ADD3: variants seen among roughly 807,000 people sequenced by gnomAD.
ADD3 encodes the protein gamma-adducin.
In ADD3, 25 loss-of-function variants were observed where a neutral mutation model predicts 80.2. That is an observed-to-expected ratio of 0.31 (90% CI 0.23 to 0.44). The LOEUF (loss-of-function observed/expected upper bound fraction) is 0.44, where lower values mean the gene tolerates loss of function less well. ADD3 is among the 20% of genes least tolerant of loss of function. The pLI is 1.00. For missense variants in ADD3, 829 were observed against 847.5 expected (o/e 0.98, Z 0.27); for synonymous variants, 284 against 289.6 (o/e 0.98, Z 0.20).
At chr10:110,009,941 T>C (rs1034332760) in intron 1 of ADD3, among the ~76,000 whole-genome samples, 4 of 152,252 alleles carry the variant, frequency 2.6e-5, no homozygotes, top group African/African-American at 9.6e-5. Flanking sequence ...GTTGATCATA[T>C]GACACTTGGG....
intron 3 of ADD3, among the ~76,000 whole-genome samples, chr10:110,115,344 G>C (rs796143564): frequency 2.6e-5 from 4 of 152,154 alleles, no homozygotes; most frequent in African/African-American, 7.2e-5. Context: ...AGCCGAGATC[G>C]TACCATTGCA....
chr10:110,117,148 A>G (rs1482597048), intron 4 of ADD3, among the ~76,000 whole-genome samples, 194 bp from the exon 5 acceptor site: 5 of 152,182 alleles, frequency 3.3e-5, no homozygotes, highest in African/African-American at 4.8e-5. Context: ...ATAAGAAACT[A>G]AAGTCAGAAT....
chr10:110,112,713 C>A (rs754085841), intron 2 of ADD3, 64 bp from the exon 3 acceptor site: 4 of 1,542,836 alleles, frequency 2.6e-6, no homozygotes, highest in Non-Finnish European at 3.5e-6. Flanking sequence ...TTGATTGTAT[C>A]GGAACAAGTT....
At chr10:110,063,590 T>G (rs1843462392) in intron 1 of ADD3, among the ~76,000 whole-genome samples, 1 of 151,400 alleles carries the variant, frequency 6.6e-6, no homozygotes, top group Non-Finnish European at 1.5e-5. Context: ...AAGTTATAAA[T>G]TCTTGCTATA....
intron 2 of ADD3, among the ~76,000 whole-genome samples, chr10:110,107,785 G>A (rs1021445481): frequency 6.6e-5 from 10 of 152,148 alleles, no homozygotes; most frequent in African/African-American, 1.2e-4. Flanking sequence ...CACGCAGCAC[G>A]TAGTCGGCAA....
chr10:110,011,926 C>T lies in ADD3; in HGVS notation c.-30+3627C>T, dbSNP rs113586744. 7.8e-4 allele frequency among the ~76,000 whole-genome samples: 119 copies of T among 152,336 alleles called. 1 individual carries two copies. Among genetic ancestry groups the T allele is most frequent in the African/African-American group, 2.7e-3 (111 of 41,578 alleles). ...ATGCCAAGACAGTCTCAAATTTTTACTGTAATTTTTTACTGTAATGGGTTG... is the reference window on the plus strand; with the variant it reads ...ATGCCAAGACAGTCTCAAATTTTTATTGTAATTTTTTACTGTAATGGGTTG... On this transcript the variant is annotated intron_variant, in intron 1 of 14. Coordinates refer to ENST00000356080, the MANE Select transcript of ADD3 (RefSeq NM_016824.5).
chr10:110,091,268 A>T lies in ADD3; in HGVS notation c.-29-9357A>T, dbSNP rs191314644. Among the ~76,000 whole-genome samples, 169 of 152,282 alleles carry T rather than the reference A, an allele frequency of 1.1e-3. 3 individuals are homozygous for T. The highest frequency in any genetic ancestry group is 2.8e-4 in the Non-Finnish European group (19 of 68,030). On this transcript the variant is annotated intron_variant, in intron 1 of 14. Transcript: ENST00000356080. ...AAATGATAGTCCTTTGAGCCATCTCATATTTTTTGGCTAACTCCACCATGC... is the reference window on the plus strand; with the variant it reads ...AAATGATAGTCCTTTGAGCCATCTCTTATTTTTTGGCTAACTCCACCATGC...
intron 12 of ADD3, among the ~76,000 whole-genome samples, chr10:110,129,897 A>G (rs1038041508): frequency 1.3e-5 from 2 of 152,204 alleles, no homozygotes; most frequent in Admixed American, 6.5e-5. Context: ...TGGGTTCCAT[A>G]TGCCAACTGC....
chr10:110,074,256 C>T (rs1019287912), intron 1 of ADD3, among the ~76,000 whole-genome samples: 7 of 152,178 alleles, frequency 4.6e-5, no homozygotes, highest in Admixed American at 2.0e-4. Context: ...TTTGTGACTT[C>T]GGGATTCATA....
At chr10:110,026,093 T>C (rs1231413363) in intron 1 of ADD3, among the ~76,000 whole-genome samples, 1 of 152,164 alleles carries the variant, frequency 6.6e-6, no homozygotes, top group Non-Finnish European at 1.5e-5. Context: ...ACATGGTAAA[T>C]GTTTCTGACA....
intron 13 of ADD3, 42 bp downstream of exon 13, chr10:110,130,528 A>T (rs1279711513): frequency 1.9e-6 from 3 of 1,603,122 alleles, no homozygotes; most frequent in African/African-American, 1.3e-5. Flanking sequence ...AGCCACACTG[A>T]TAACAATAAA....
chr10:110,093,533 C>T (rs1399722885), intron 1 of ADD3, among the ~76,000 whole-genome samples: 1 of 152,166 alleles, frequency 6.6e-6, no homozygotes, highest in Non-Finnish European at 1.5e-5. Flanking sequence ...TCATAGTGGT[C>T]ATCTGTCAGG....
intron 1 of ADD3, among the ~76,000 whole-genome samples, chr10:110,064,568 T>C (rs567232835): frequency 6.6e-6 from 1 of 152,314 alleles, no homozygotes; most frequent in South Asian, 2.1e-4. Flanking sequence ...CTTTTACTAA[T>C]AGAAAAATTG....
intron 2 of ADD3, among the ~76,000 whole-genome samples, chr10:110,109,247 C>T (rs1403189571): frequency 1.3e-5 from 2 of 151,854 alleles, no homozygotes; most frequent in Non-Finnish European, 2.9e-5. Context: ...ATCTAAAAAC[C>T]ATTGTAAATC....
chr10:110,063,778 T>TAA lies in ADD3; in HGVS notation c.-29-36846_-29-36845insAA, dbSNP rs1355998631. Among the ~76,000 whole-genome samples the TAA allele has an allele frequency of 1.6e-4, 17 of 104,096 alleles. 1 individual carries two copies. Among genetic ancestry groups the TAA allele is most frequent in the African/African-American group, 5.9e-4 (16 of 27,064 alleles). The allele number at this position is 104,096 out of a possible 152,430, so 68.3% of individuals were successfully genotyped here. A position where few individuals can be genotyped will look rare whatever the true frequency, so the allele number is the denominator to read the frequency against. On this transcript the variant is annotated intron_variant, in intron 1 of 14. Coordinates refer to ENST00000356080, the MANE Select transcript of ADD3 (RefSeq NM_016824.5). ...ATATATATATATATATATATATATA[T>TAA]ATATAAAGTGAACACCGTGTGTAAC...
At chr10:110,108,921 A>G (rs1007104659) in intron 2 of ADD3, among the ~76,000 whole-genome samples, 5 of 152,202 alleles carry the variant, frequency 3.3e-5, no homozygotes, top group Admixed American at 2.0e-4. Flanking sequence ...CGTCAGCTTT[A>G]AAGGAGACAT....
Position 110,124,107 on chromosome 10 carries a change from G to T in ADD3, c.1234G>T (p.Ala412Ser). The change falls in exon 10 of 15, where the codon GCT (alanine) becomes TCT (serine). Residue 412 changes from alanine to serine, a missense_variant. Ala to Ser is a moderately conservative substitution (Grantham distance 99). Coordinates refer to ENST00000356080, the MANE Select transcript of ADD3 (RefSeq NM_016824.5). ...TGTGGAAATCCCAGCAACTGTGACT[G>T]CTTTTTCCTTTGAAGACGATACAGT... ...SDVEIPATVT[A>S]FSFEDDTVPL... 6.2e-7 allele frequency: 1 copy of T among 1,614,150 alleles called. No individual in the cohort carries two copies. Among genetic ancestry groups the T allele is most frequent in the Non-Finnish European group, 8.5e-7 (1 of 1,180,008 alleles).
At chr10:110,106,616 C>G (rs933944409) in intron 2 of ADD3, among the ~76,000 whole-genome samples, 1 of 152,162 alleles carries the variant, frequency 6.6e-6, no homozygotes, top group South Asian at 2.1e-4. Flanking sequence ...TAGCCTCACT[C>G]CCTCGACATT....
intron 1 of ADD3, among the ~76,000 whole-genome samples, chr10:110,036,726 T>C (rs979712435): frequency 2.6e-5 from 4 of 152,146 alleles, no homozygotes; most frequent in Admixed American, 1.3e-4. Context: ...ACTTTCACTC[T>C]CTGAGGTATT....
Sources: gnomAD v4.1 joint callset for allele counts (sites outside exome capture counted in the v4.1 genomes callset) on GRCh38, gnomAD v4.1.1 for gene constraint, MANE v1.5 for transcripts, NCBI Gene and HGNC (gene_info 2026-07-23, HGNC 2026-07-21) for gene names.